Variants in DLG2 observed in about 807,000 individuals in gnomAD.
The protein encoded by DLG2 is disks large homolog 2.
A neutral mutation model predicts 132.5 loss-of-function variants in DLG2; 45 were observed. That is an observed-to-expected ratio of 0.34 (90% confidence interval 0.27 to 0.44). The LOEUF (loss-of-function observed/expected upper bound fraction) is 0.44, where lower values mean the gene tolerates loss of function less well. DLG2 is among the 20% of genes least tolerant of loss of function. The probability of loss-of-function intolerance (pLI) is 1.00; values close to 1 mark genes in which losing one functional copy is unlikely to be tolerated. For missense variants in DLG2, 1,045 were observed against 1,196.9 expected (o/e 0.87, Z 1.87); for synonymous variants, 424 against 419.6 (o/e 1.01, Z -0.13).
rs746906895 is a variant in DLG2, at chr11:85,154,545, A to T, written c.282+11T>A. 7.5e-7 allele frequency: 1 copy of T among 1,342,054 alleles called. No homozygotes were observed. The highest frequency in any genetic ancestry group is 1.0e-6 in the Non-Finnish European group (1 of 961,200). The allele number at this position is 1,342,054 out of a possible 1,614,324, so 83.1% of individuals were successfully genotyped here. On this transcript the variant is annotated intron_variant, in intron 5 of 27. Transcript: ENST00000376104. ...AAGCCTAGTAAGAAAAGAAAACAGT[A>T]TAACACTTACAGTTGTCGTCTCATC...
At chr11:83,828,834 G>A (rs1304459132) in intron 17 of DLG2, among the ~76,000 whole-genome samples, 1 of 152,064 alleles carries the variant, frequency 6.6e-6, no homozygotes, top group Non-Finnish European at 1.5e-5. Context: ...AAGTGTTACT[G>A]TCTCTTCTCT....
At chr11:84,555,220 T>C (rs554893155) in intron 6 of DLG2, among the ~76,000 whole-genome samples, 1 of 151,954 alleles carries the variant, frequency 6.6e-6, no homozygotes, top group Non-Finnish European at 1.5e-5. Flanking sequence ...GTAACTGCAA[T>C]AAAAAGCAGT....
rs1196859555 is a variant in DLG2 at position 85,529,587 on chromosome 11, C to T, written c.40+69070G>A. ...TTCCCCTTAGTTCTAGTATTCTTGA[C>T]TTTGGTGAACAAGTCTACTCAGACT... On this transcript the variant is annotated intron_variant, in intron 3 of 27. Coordinates refer to ENST00000376104, the MANE Select transcript of DLG2 (RefSeq NM_001142699.3). 2.6e-5 allele frequency among the ~76,000 whole-genome samples: 4 copies of T among 152,104 alleles called. No individual in the cohort carries two copies. In the East Asian group the frequency reaches 7.7e-4, roughly 29 times the overall value.
At chr11:84,410,528 C>A (rs1340515214) in intron 7 of DLG2, among the ~76,000 whole-genome samples, 1 of 148,678 alleles carries the variant, frequency 6.7e-6, no homozygotes, top group East Asian at 2.0e-4. Context: ...AAACACCTAT[C>A]AATGACTCTA....
intron 3 of DLG2, among the ~76,000 whole-genome samples, chr11:85,361,861 G>A (rs554541219): frequency 6.6e-6 from 1 of 152,162 alleles, no homozygotes; most frequent in South Asian, 2.1e-4. Context: ...AATTTGATAG[G>A]GATTGTGTTG....
At chr11:84,658,528 A>T (rs2099690883) in intron 6 of DLG2, among the ~76,000 whole-genome samples, 1 of 152,020 alleles carries the variant, frequency 6.6e-6, no homozygotes, top group Non-Finnish European at 1.5e-5. Context: ...TTGAAATGTG[A>T]TCCCCAATGC....
At chr11:85,417,220 G>T (rs932359235) in intron 3 of DLG2, among the ~76,000 whole-genome samples, 10 of 152,036 alleles carry the variant, frequency 6.6e-5, no homozygotes, top group African/African-American at 2.4e-4. Flanking sequence ...TTTTGTCTTT[G>T]GTTCTGTTTA....
At chr11:85,562,732 T>TATTC (rs146582751) in intron 3 of DLG2, among the ~76,000 whole-genome samples, 2 of 151,942 alleles carry the variant, frequency 1.3e-5, no homozygotes, top group South Asian at 2.1e-4. Flanking sequence ...ACTTCCCATC[T>TATTC]ATTCATTCAT....
intron 3 of DLG2, among the ~76,000 whole-genome samples, chr11:85,588,636 C>T (rs1295893885): frequency 1.3e-5 from 2 of 152,006 alleles, no homozygotes; most frequent in East Asian, 3.9e-4. Context: ...CTGGTATCTC[C>T]TTGAGTAACT....
chr11:84,405,414 C>T (rs763301991), intron 7 of DLG2, among the ~76,000 whole-genome samples: 23 of 152,130 alleles, frequency 1.5e-4, no homozygotes, highest in Admixed American at 2.6e-4. Flanking sequence ...TTCTGTCTTC[C>T]GTACCATGAA....
At chr11:84,355,252 A>G (rs1231596201) in intron 7 of DLG2, among the ~76,000 whole-genome samples, 3 of 152,200 alleles carry the variant, frequency 2.0e-5, no homozygotes, top group African/African-American at 2.4e-5. Context: ...AAGGGAGGAA[A>G]GAGATTATAT....
At chr11:84,010,300 T>TATTATC (rs1555255306) in intron 11 of DLG2, among the ~76,000 whole-genome samples, 1 of 150,734 alleles carries the variant, frequency 6.6e-6, no homozygotes, top group African/African-American at 2.4e-5. Context: ...ATTGTATTAT[T>TATTATC]ATTATTATTA....
chr11:85,058,224 T>A (rs1352265308), intron 6 of DLG2, among the ~76,000 whole-genome samples: 1 of 151,502 alleles, frequency 6.6e-6, no homozygotes, highest in Non-Finnish European at 1.5e-5. Flanking sequence ...TGTCAATATA[T>A]AAAAATCAAT....
intron 7 of DLG2, among the ~76,000 whole-genome samples, chr11:84,476,044 C>A (rs974326686): frequency 6.6e-6 from 1 of 152,084 alleles, no homozygotes; most frequent in African/African-American, 2.4e-5. Flanking sequence ...TCTTTATGCA[C>A]CCTGTACTTC....
intron 21 of DLG2, among the ~76,000 whole-genome samples, chr11:83,491,082 A>T (rs957141314): frequency 2.0e-5 from 3 of 151,702 alleles, no homozygotes. Context: ...ATGCCTTAAA[A>T]ATACTTAATA....
At chr11:85,399,821 A>C (rs1419391835) in intron 3 of DLG2, among the ~76,000 whole-genome samples, 2 of 152,184 alleles carry the variant, frequency 1.3e-5, no homozygotes, top group Non-Finnish European at 2.9e-5. Flanking sequence ...CTAAAACCAT[A>C]AAAACCCTAG....
At chr11:84,235,706 T>A (rs892951006) in intron 8 of DLG2, among the ~76,000 whole-genome samples, 3 of 152,234 alleles carry the variant, frequency 2.0e-5, no homozygotes, top group Admixed American at 6.5e-5. Context: ...TAGTTGCTTT[T>A]AAGTGTCTCC....
chr11:84,446,443 T>C (rs375645704), intron 7 of DLG2, among the ~76,000 whole-genome samples: 2 of 152,262 alleles, frequency 1.3e-5, no homozygotes, highest in South Asian at 2.1e-4. Flanking sequence ...TTAGAAAGAT[T>C]ATAGTTTCTG....
chr11:83,545,361 T>G (rs911933217), intron 19 of DLG2, among the ~76,000 whole-genome samples: 35 of 152,274 alleles, frequency 2.3e-4, no homozygotes, highest in African/African-American at 8.2e-4. Context: ...TGTAAGATAT[T>G]ATTATAATAA....
Sources: gnomAD v4.1 joint callset for allele counts (sites outside exome capture counted in the v4.1 genomes callset) on GRCh38, gnomAD v4.1.1 for gene constraint, MANE v1.5 for transcripts, NCBI Gene and HGNC (gene_info 2026-07-23, HGNC 2026-07-21) for gene names.